Variants in RNF152 observed in about 807,000 individuals in gnomAD.
The protein encoded by RNF152 is E3 ubiquitin-protein ligase RNF152.
Under a neutral mutation model 12.7 loss-of-function variants are expected in RNF152, and 11 were observed. The ratio of observed to expected loss-of-function variants is 0.86; its 90% CI spans 0.54 to 1.43. The LOEUF is 1.43. Ranked by LOEUF, RNF152 falls within the 40% of genes most tolerant of loss-of-function variation. The pLI is 0.00. For missense variants in RNF152, 255 were observed against 274.8 expected (o/e 0.93, Z 0.51); for synonymous variants, 113 against 120.3 (o/e 0.94, Z 0.40).
intron 1 of RNF152, among the ~76,000 whole-genome samples, chr18:61,839,495 C>T (rs1910346073): frequency 6.6e-6 from 1 of 152,196 alleles, no homozygotes; most frequent in South Asian, 2.1e-4. Context: ...TGAGCTATTA[C>T]AGAAGCAATG....
chr18:61,831,922 T>TG (rs922787590), intron 1 of RNF152, among the ~76,000 whole-genome samples: 4 of 50,622 alleles, frequency 7.9e-5, no homozygotes, highest in African/African-American at 2.0e-4. Context: ...ATTATGTGTG[T>TG]GGGGGGGTGT....
At chr18:61,890,418 C>T (rs142219268) in intron 1 of RNF152, 1 of 152,364 alleles carries the variant, frequency 6.6e-6, no homozygotes, top group Non-Finnish European at 1.5e-5. Context: ...ATTTCCTTCC[C>T]GATGCTGCAA....
chr18:61,879,197 A>G (rs140607697), intron 1 of RNF152, among the ~76,000 whole-genome samples: 1 of 152,200 alleles, frequency 6.6e-6, no homozygotes, highest in Non-Finnish European at 1.5e-5. Flanking sequence ...ATGTGCACAG[A>G]CTTCTTCATT....
rs772134825 is a variant in RNF152, at chr18:61,816,332, G to A, written c.132C>T (p.Thr44=). ...CCSVCLQQMR[T]SQKDVRCPWC... is the part of the protein sequence containing the mutation. ...AGGGGCACCGCACATCCTTCTGGCTGGTCCTCATCTGCTGCAGGCACACTG... is the reference window on the plus strand; with the variant it reads ...AGGGGCACCGCACATCCTTCTGGCTAGTCCTCATCTGCTGCAGGCACACTG... The change falls in exon 2 of 2, where the codon ACC becomes ACT. Residue 44 remains threonine, a synonymous_variant. Coordinates refer to ENST00000312828, the MANE Select transcript of RNF152 (RefSeq NM_173557.3). 6.2e-7 allele frequency: 1 copy of A among 1,614,114 alleles called. No individual in the cohort carries two copies. Among genetic ancestry groups the A allele is most frequent in the African/African-American group, 1.3e-5 (1 of 74,942 alleles).
chr18:61,848,924 C>T (rs1910848684), intron 1 of RNF152, among the ~76,000 whole-genome samples: 1 of 152,194 alleles, frequency 6.6e-6, no homozygotes, highest in Non-Finnish European at 1.5e-5. Flanking sequence ...GGAGAATGAT[C>T]CACAGGGATG....
At chr18:61,864,604 C>T (rs1253673712) in intron 1 of RNF152, among the ~76,000 whole-genome samples, 1 of 152,190 alleles carries the variant, frequency 6.6e-6, no homozygotes, top group East Asian at 1.9e-4. Flanking sequence ...CCCTCTTTCG[C>T]CCTTCTTCCC....
chr18:61,872,619 C>G (rs1912041220), intron 1 of RNF152, among the ~76,000 whole-genome samples: 1 of 152,114 alleles, frequency 6.6e-6, no homozygotes, highest in East Asian at 1.9e-4. Context: ...TCTGGTTTGC[C>G]CTACATTTGA....
At chr18:61,852,753 G>C (rs111861215) in intron 1 of RNF152, among the ~76,000 whole-genome samples, 6 of 152,032 alleles carry the variant, frequency 3.9e-5, no homozygotes, top group Non-Finnish European at 8.8e-5. Context: ...AAGCTCTCCA[G>C]GTGACTCACT....
At chr18:61,873,746 G>T (rs113366616) in intron 1 of RNF152, among the ~76,000 whole-genome samples, 1 of 152,118 alleles carries the variant, frequency 6.6e-6, no homozygotes, top group South Asian at 2.1e-4. Flanking sequence ...TCAAAAGTCC[G>T]TTATGAACAT....
At chr18:61,853,375 T>C (rs1033628078) in intron 1 of RNF152, among the ~76,000 whole-genome samples, 4 of 149,856 alleles carry the variant, frequency 2.7e-5, no homozygotes, top group African/African-American at 4.9e-5. Context: ...CTGCAACCTC[T>C]GCCTCCCAGG....
At chr18:61,858,465 GC>G (rs1216302125) in intron 1 of RNF152, among the ~76,000 whole-genome samples, 1 of 151,926 alleles carries the variant, frequency 6.6e-6, no homozygotes, top group African/African-American at 2.4e-5. Flanking sequence ...TGAGGAATCT[GC>G]CCCTAAGATC....
intron 1 of RNF152, among the ~76,000 whole-genome samples, chr18:61,821,900 C>T (rs1400725281): frequency 1.3e-5 from 2 of 152,160 alleles, no homozygotes; most frequent in Non-Finnish European, 2.9e-5. Flanking sequence ...CTGAAACCAT[C>T]GGTCCCTACC....
At chr18:61,874,477 A>G (rs58383851) in intron 1 of RNF152, among the ~76,000 whole-genome samples, 4,863 of 152,326 alleles carry the variant, frequency 0.032, 266 homozygotes, top group African/African-American at 0.11. Flanking sequence ...AATAATGTGC[A>G]ACTATTTTAA....
In RNF152 at chr18:61,816,574, C is replaced by T. The variant is rs955273250; in HGVS notation, c.-111G>A. ...CAGGTAATGGCAAGCTCACAGGCAT[C>T]CAGTACTCACAGGTGTGTTCATTTC... On this transcript the variant is annotated 5_prime_UTR_variant, in exon 2 of 2. Transcript: ENST00000312828. 9.0e-7 allele frequency: 1 copy of T among 1,109,750 alleles called. No individual in the cohort carries two copies. Among genetic ancestry groups the T allele is most frequent in the African/African-American group, 1.6e-5 (1 of 63,942 alleles). The allele number at this position is 1,109,750 out of a possible 1,614,324, so 68.7% of individuals were successfully genotyped here.
At position 61,815,679 on chromosome 18, in the gene RNF152, G is replaced by A. The variant is rs1290930481; in HGVS notation, c.*173C>T. The stretch of plus-strand genomic sequence containing the variant: ...AGAACAATTCACCTGGTATCTTGTT[G>A]AGACCGCACCTTCTGCCCTTTGTGT... On this transcript the variant is annotated 3_prime_UTR_variant, in exon 2 of 2. Transcript: ENST00000312828. 4 of 639,878 alleles carry A rather than the reference G, an allele frequency of 6.3e-6. No individual in the cohort carries two copies. In the East Asian group the frequency reaches 1.1e-4, roughly 18 times the overall value. The allele number at this position is 639,878 out of a possible 1,614,324, so 39.6% of individuals were successfully genotyped here. A position where few individuals can be genotyped will look rare whatever the true frequency, so the allele number is the denominator to read the frequency against.
At chr18:61,859,496 C>T (rs1171201352) in intron 1 of RNF152, among the ~76,000 whole-genome samples, 1 of 152,162 alleles carries the variant, frequency 6.6e-6, no homozygotes, top group African/African-American at 2.4e-5. Flanking sequence ...TGAAGAAGGG[C>T]CTGGAAGCTG....
intron 1 of RNF152, among the ~76,000 whole-genome samples, chr18:61,892,390 A>C (rs1322534954): frequency 6.6e-6 from 1 of 152,206 alleles, no homozygotes; most frequent in Non-Finnish European, 1.5e-5. Flanking sequence ...ACTGGGCAAA[A>C]GTACAATCAG....
chr18:61,831,993 A>G (rs1909975723), intron 1 of RNF152, among the ~76,000 whole-genome samples: 1 of 152,096 alleles, frequency 6.6e-6, no homozygotes, highest in Non-Finnish European at 1.5e-5. Context: ...ACCAAATAAA[A>G]TCCAATTCAT....
chr18:61,863,593 C>A (rs141666033), intron 1 of RNF152, among the ~76,000 whole-genome samples: 8 of 152,254 alleles, frequency 5.3e-5, no homozygotes, highest in African/African-American at 1.9e-4. Context: ...CTGGAAAAGC[C>A]AAGGCTTCAG....
Sources: gnomAD v4.1 joint callset for allele counts (sites outside exome capture counted in the v4.1 genomes callset) on GRCh38, gnomAD v4.1.1 for gene constraint, MANE v1.5 for transcripts, NCBI Gene and HGNC (gene_info 2026-07-23, HGNC 2026-07-21) for gene names.